The following GPM6A variants were observed in gnomAD, a reference collection of about 807,000 sequenced individuals.
The protein encoded by GPM6A is glycoprotein M6A.
In GPM6A, 7 loss-of-function variants were observed where a neutral mutation model predicts 32.1. That is an observed-to-expected ratio of 0.22 (90% CI 0.12 to 0.41). GPM6A has a LOEUF of 0.41. GPM6A is among the 10% of genes least tolerant of loss of function. The pLI is 1.00. For synonymous variants in GPM6A, 130 were observed against 123.4 expected, an observed-to-expected ratio of 1.05 and a Z score of -0.35; for missense variants, 235 against 347.2, an observed-to-expected ratio of 0.68 and a Z score of 2.57.
chr4:175,779,083 A>C (rs909666463), intron 1 of GPM6A, among the ~76,000 whole-genome samples: 4 of 152,204 alleles, frequency 2.6e-5, no homozygotes, highest in Non-Finnish European at 5.9e-5. Context: ...CTAGTAAGCT[A>C]TCCAGTTCCC....
chr4:175,915,187 T>TA (rs1738452134), intron 1 of GPM6A, among the ~76,000 whole-genome samples: 2 of 152,166 alleles, frequency 1.3e-5, no homozygotes, highest in African/African-American at 4.8e-5. Context: ...ATATTACAAT[T>TA]TAAAATATTT....
At chr4:175,799,411 C>A (rs929175651) in intron 1 of GPM6A, among the ~76,000 whole-genome samples, 1 of 152,042 alleles carries the variant, frequency 6.6e-6, no homozygotes, top group Non-Finnish European at 1.5e-5. Flanking sequence ...TTTTAATGTT[C>A]CCCTCTCACA....
intron 1 of GPM6A, among the ~76,000 whole-genome samples, chr4:175,879,325 A>G (rs1737191434): frequency 6.6e-6 from 1 of 152,102 alleles, no homozygotes; most frequent in African/African-American, 2.4e-5. Flanking sequence ...CCTGGTGCCA[A>G]TTTACTGTAT....
chr4:175,908,007 G>A (rs1190538880), intron 1 of GPM6A, among the ~76,000 whole-genome samples: 4 of 152,074 alleles, frequency 2.6e-5, no homozygotes, highest in African/African-American at 9.7e-5. Context: ...GATTTTTAGG[G>A]TTAACAGGAA....
At chr4:175,978,586 T>C (rs1295541600) in intron 1 of GPM6A, among the ~76,000 whole-genome samples, 1 of 152,202 alleles carries the variant, frequency 6.6e-6, no homozygotes, top group Non-Finnish European at 1.5e-5. Flanking sequence ...GCCACTGAGA[T>C]GTACTATTAT....
At chr4:175,807,898 T>C (rs996125362) in intron 1 of GPM6A, among the ~76,000 whole-genome samples, 2 of 152,232 alleles carry the variant, frequency 1.3e-5, no homozygotes, top group East Asian at 1.9e-4. Flanking sequence ...TTTACTACGA[T>C]GTGACTTTGG....
intron 1 of GPM6A, among the ~76,000 whole-genome samples, chr4:175,957,755 A>G (rs1290744406): frequency 6.6e-6 from 1 of 151,686 alleles, no homozygotes; most frequent in Non-Finnish European, 1.5e-5. Context: ...AAATAAGTAA[A>G]TAAAGACAAA....
intron 2 of GPM6A, among the ~76,000 whole-genome samples, chr4:175,678,464 G>A (rs1044600781): frequency 1.1e-4 from 16 of 152,156 alleles, no homozygotes; most frequent in Admixed American, 4.6e-4. Context: ...TGAGGGGATA[G>A]AAAGCTTGAT....
intron 2 of GPM6A, among the ~76,000 whole-genome samples, chr4:175,689,446 G>GT (rs34200402): frequency 0.12 from 18,113 of 147,464 alleles, 1,416 homozygotes; most frequent in East Asian, 0.37. Context: ...TATTTATAGC[G>GT]TTTTTTTTTT....
intron 6 of GPM6A, among the ~76,000 whole-genome samples, chr4:175,638,270 G>C (rs1165413542): frequency 6.6e-6 from 1 of 151,716 alleles, no homozygotes; most frequent in Non-Finnish European, 1.5e-5. Context: ...AGCAGCATTA[G>C]TACCAGGAAC....
At chr4:175,998,294 C>G (rs1460275716) in intron 1 of GPM6A, among the ~76,000 whole-genome samples, 1 of 152,084 alleles carries the variant, frequency 6.6e-6, no homozygotes, top group Non-Finnish European at 1.5e-5. Context: ...GCTGGGATTA[C>G]AGGCGTGTGC....
At chr4:175,703,847 C>T (rs543472084) in intron 1 of GPM6A, among the ~76,000 whole-genome samples, 5 of 152,150 alleles carry the variant, frequency 3.3e-5, no homozygotes, top group Non-Finnish European at 7.4e-5. Context: ...CACCTCTAGC[C>T]ACCCCACCCC....
chr4:175,890,656 T>A (rs1468674736), intron 1 of GPM6A, among the ~76,000 whole-genome samples: 1 of 152,070 alleles, frequency 6.6e-6, no homozygotes, highest in Non-Finnish European at 1.5e-5. Flanking sequence ...AGCCTCTAAC[T>A]GCTGGGCTTA....
intron 1 of GPM6A, among the ~76,000 whole-genome samples, chr4:175,746,378 C>G (rs1031329358): frequency 6.6e-6 from 1 of 152,178 alleles, no homozygotes; most frequent in South Asian, 2.1e-4. Context: ...TTTTGCACAT[C>G]TTGGGTTGCC....
intron 1 of GPM6A, among the ~76,000 whole-genome samples, chr4:175,912,428 G>A (rs916857979): frequency 1.3e-5 from 2 of 152,100 alleles, no homozygotes. Context: ...GTTGAGGCAG[G>A]TGGATCACCT....
At chr4:175,835,356 G>A (rs568344852) in intron 1 of GPM6A, among the ~76,000 whole-genome samples, 1 of 151,960 alleles carries the variant, frequency 6.6e-6, no homozygotes, top group East Asian at 1.9e-4. Flanking sequence ...GGCTGTCTTG[G>A]GGAACCAGAC....
chr4:175,941,231 A>G (rs1200975594), intron 1 of GPM6A, among the ~76,000 whole-genome samples: 1 of 152,210 alleles, frequency 6.6e-6, no homozygotes, highest in African/African-American at 2.4e-5. Context: ...AATAATGAAC[A>G]TCATTTTAAT....
At chr4:175,980,920 C>T (rs17062342) in intron 1 of GPM6A, among the ~76,000 whole-genome samples, 2 of 152,070 alleles carry the variant, frequency 1.3e-5, no homozygotes, top group Non-Finnish European at 2.9e-5. Context: ...CATGCATAAT[C>T]GTTGGCTAAA....
intron 1 of GPM6A, chr4:175,796,025 T>TCA (rs1734214244): frequency 2.6e-5 from 4 of 152,214 alleles, no homozygotes; most frequent in African/African-American, 9.6e-5. Flanking sequence ...TGTCACTTTC[T>TCA]AACAGGCCAC....
Sources: allele counts gnomAD v4.1 joint callset (sites outside exome capture counted in the v4.1 genomes callset), GRCh38; gene constraint gnomAD v4.1.1; transcripts MANE v1.5; gene names NCBI Gene and HGNC (gene_info 2026-07-23, HGNC 2026-07-21).